NOL7: variants seen among roughly 807,000 people sequenced by gnomAD.
NOL7 encodes the protein nucleolar protein 7.
Under a neutral mutation model 38.4 loss-of-function variants are expected in NOL7, and 36 were observed. The ratio of observed to expected loss-of-function variants is 0.94; its 90% CI spans 0.72 to 1.24. The LOEUF (loss-of-function observed/expected upper bound fraction) is 1.24. Ranked by LOEUF, NOL7 falls within the 50% of genes most tolerant of loss-of-function variation. The pLI is 0.00. For missense variants in NOL7, 350 were observed against 315.1 expected, an observed-to-expected ratio of 1.11 and a Z score of -0.84; for synonymous variants, 142 against 126.5, an observed-to-expected ratio of 1.12 and a Z score of -0.82.
At position 13,620,861 on chromosome 6, in the gene NOL7, G is replaced by A. The variant is rs1562291905; in HGVS notation, c.*34G>A. 4 of 1,260,960 alleles carry A rather than the reference G, an allele frequency of 3.2e-6. No individual in the cohort carries two copies. The highest frequency in any genetic ancestry group is 4.4e-5 in the Admixed American group (2 of 45,394). 78.1% of individuals were successfully genotyped at this position (1,260,960 alleles called of 1,614,324 possible). ...TAAATGAAGAATCTGTACTTTGTAT[G>A]TATAGAATTTATCTAATAAATCATT... On this transcript the variant is annotated 3_prime_UTR_variant, in exon 8 of 8. Coordinates refer to ENST00000451315, the MANE Select transcript of NOL7 (RefSeq NM_016167.5).
chr6:13,624,840 A>C (rs1322708745), downstream of NOL7, among the ~76,000 whole-genome samples: 3 of 152,196 alleles, frequency 2.0e-5, no homozygotes, highest in Non-Finnish European at 2.9e-5. Flanking sequence ...ATATAAATGC[A>C]AATAGAATGT....
chr6:13,626,581 T>C (rs1764612391), downstream of NOL7, among the ~76,000 whole-genome samples: 2 of 152,046 alleles, frequency 1.3e-5, no homozygotes, highest in Non-Finnish European at 2.9e-5. Flanking sequence ...TGACGTCTTA[T>C]TATTATGCCA....
At chr6:13,616,630 T>A in intron 3 of NOL7, 109 bp downstream of exon 3, 1 of 682,450 alleles carries the variant, frequency 1.5e-6, no homozygotes, top group East Asian at 2.9e-5. Context: ...AGAACCCAAA[T>A]TCAAAAGCTA....
downstream of NOL7, among the ~76,000 whole-genome samples, chr6:13,623,591 C>CTT (rs940516600): frequency 6.6e-6 from 1 of 152,144 alleles, no homozygotes; most frequent in Non-Finnish European, 1.5e-5. Context: ...CAAAGACAAA[C>CTT]ATCTACAGGG....
chr6:13,625,727 T>C (rs757818699), downstream of NOL7: 2 of 1,612,776 alleles, frequency 1.2e-6, no homozygotes, highest in South Asian at 2.2e-5. Flanking sequence ...AACTGGGCTG[T>C]TCCAGGGATC....
At chr6:13,623,084 T>A (rs1015683080), downstream of NOL7, among the ~76,000 whole-genome samples, 26 of 152,116 alleles carry the variant, frequency 1.7e-4, no homozygotes, top group African/African-American at 6.0e-4. Context: ...TTCAGACATT[T>A]AAAAAAATGC....
At chr6:13,616,284 G>A (rs1001248128) in intron 2 of NOL7, among the ~76,000 whole-genome samples, 179 bp from the exon 3 acceptor site, 1 of 152,204 alleles carries the variant, frequency 6.6e-6, no homozygotes, top group African/African-American at 2.4e-5. Flanking sequence ...GTCTTTCAGA[G>A]AATGTGGAGT....
downstream of NOL7, among the ~76,000 whole-genome samples, chr6:13,624,031 C>A (rs1764532163): frequency 6.6e-6 from 1 of 152,142 alleles, no homozygotes; most frequent in Admixed American, 6.5e-5. Context: ...CATAATTTTC[C>A]TTACAATTCC....
chr6:13,617,084 C>A (rs111890107), intron 3 of NOL7, among the ~76,000 whole-genome samples: 4 of 152,080 alleles, frequency 2.6e-5, no homozygotes, highest in Admixed American at 1.3e-4. Context: ...ATTCAGCCCC[C>A]TTTTGCTTAG....
chr6:13,617,957 A>T (rs1764332779), intron 4 of NOL7, 101 bp from the exon 5 acceptor site: 1 of 973,512 alleles, frequency 1.0e-6, no homozygotes, highest in African/African-American at 1.6e-5. Context: ...TAAAAACTGC[A>T]TCCACATTGG....
At chr6:13,620,094 C>T in intron 5 of NOL7, 114 bp from the exon 6 acceptor site, 1 of 1,157,250 alleles carries the variant, frequency 8.6e-7, no homozygotes, top group Non-Finnish European at 1.2e-6. Flanking sequence ...GCAGAAGTTG[C>T]AGTGAGCTGA....
intron 8 of NOL7, among the ~76,000 whole-genome samples, chr6:13,628,941 T>C (rs189933171): frequency 1.1e-3 from 170 of 152,024 alleles, no homozygotes; most frequent in African/African-American, 3.9e-3. Flanking sequence ...ATAATGTTCA[T>C]ATTCTTTGAC....
At chr6:13,628,766 T>C (rs1029012903) in intron 8 of NOL7, among the ~76,000 whole-genome samples, 2 of 152,242 alleles carry the variant, frequency 1.3e-5, no homozygotes, top group Non-Finnish European at 2.9e-5. Context: ...CTGGTGATGA[T>C]AACCAAAGAA....
chr6:13,618,028 C>A, intron 4 of NOL7, 30 bp from the exon 5 acceptor site: 1 of 1,250,696 alleles, frequency 8.0e-7, no homozygotes, highest in Non-Finnish European at 1.2e-6. Flanking sequence ...TACGTGAATG[C>A]TAATTAGAAA....
Position 13,616,507 on chromosome 6 carries a change from A to C in NOL7, c.372A>C (p.Thr124=). 6.2e-7 allele frequency: 1 copy of C among 1,607,690 alleles called. No homozygotes were observed. Among genetic ancestry groups the C allele is most frequent in the African/African-American group, 1.3e-5 (1 of 74,702 alleles). ...LPDTILEKLT[T]ASQTNIKKSP... ...ACACTATTTTGGAGAAGTTAACCAC[A>C]GCTTCACAGACTAAGTAAGTAATGG... Residue 124 remains threonine, a synonymous_variant, in exon 3 of 8, where the codon ACA becomes ACC. Transcript: ENST00000451315.
At chr6:13,618,810 G>A (rs1223650330) in intron 5 of NOL7, among the ~76,000 whole-genome samples, 1 of 152,114 alleles carries the variant, frequency 6.6e-6, no homozygotes, top group African/African-American at 2.4e-5. Context: ...AGGATCACTT[G>A]AGCCCAGGAG....
chr6:13,630,411 G>A (rs1764744819), intron 8 of NOL7, among the ~76,000 whole-genome samples: 2 of 151,600 alleles, frequency 1.3e-5, no homozygotes, highest in South Asian at 4.2e-4. Flanking sequence ...AGCTAATGGA[G>A]TATAATCTTA....
At chr6:13,625,069 A>G (rs1265878691), downstream of NOL7, among the ~76,000 whole-genome samples, 1 of 152,204 alleles carries the variant, frequency 6.6e-6, no homozygotes, top group Non-Finnish European at 1.5e-5. Context: ...CTGATATTCA[A>G]GCTCTTCACT....
chr6:13,616,973 T>C (rs1237070707), intron 3 of NOL7, among the ~76,000 whole-genome samples: 1 of 152,206 alleles, frequency 6.6e-6, no homozygotes, highest in Non-Finnish European at 1.5e-5. Flanking sequence ...AGCGAAAAGC[T>C]ATAGTCGTCT....
Sources: allele counts gnomAD v4.1 joint callset (sites outside exome capture counted in the v4.1 genomes callset), GRCh38; gene constraint gnomAD v4.1.1; transcripts MANE v1.5; gene names NCBI Gene and HGNC (gene_info 2026-07-23, HGNC 2026-07-21).